NEK2: variants seen among roughly 807,000 people sequenced by gnomAD.
The protein encoded by NEK2 is serine/threonine-protein kinase Nek2.
A neutral mutation model predicts 54.1 loss-of-function variants in NEK2; 28 were observed. The observed-to-expected ratio is 0.52, with a 90% CI of 0.38 to 0.71. NEK2 has a LOEUF of 0.71. NEK2 is among the 30% of genes least tolerant of loss of function. The probability of loss-of-function intolerance (pLI) is 0.00; values close to 1 mark genes in which losing one functional copy is unlikely to be tolerated. For missense variants in NEK2, 407 were observed against 531.5 expected (o/e 0.77, Z 2.30); for synonymous variants, 176 against 193.1 (o/e 0.91, Z 0.73).
downstream of NEK2, chr1:211,660,208 AT>A: frequency 3.2e-6 from 1 of 311,392 alleles, no homozygotes. Context: ...CCGCTTGTAG[AT>A]TTTGCACGCC....
In NEK2 at chr1:211,663,464, A is replaced by G. The variant is rs753859332; in HGVS notation, c.1300T>C (p.Tyr434His). ...AQALSDIEKNYQLKSRQILGM... is the reference protein window; with the variant it reads ...AQALSDIEKNHQLKSRQILGM... ...AGGATCTGTCTGCTTTTCAGTTGGT[A>G]ATTTTTCTCAATATCTGACAGGGCT... The change falls in exon 8 of 8, where the codon TAC (tyrosine) becomes CAC (histidine). Residue 434 changes from tyrosine to histidine, a missense_variant. By Grantham distance (83) the Tyr-to-His change is moderately conservative. Coordinates refer to ENST00000366999, the MANE Select transcript of NEK2 (RefSeq NM_002497.4). The G allele has an allele frequency of 1.2e-6, 2 of 1,613,724 alleles. No individual in the cohort carries two copies. Among genetic ancestry groups the G allele is most frequent in the East Asian group, 4.5e-5 (2 of 44,884 alleles).
chr1:211,660,923 T>G, downstream of NEK2: 1 of 740,724 alleles, frequency 1.4e-6, no homozygotes, highest in Non-Finnish European at 2.5e-6. Context: ...CCCCAGTGGG[T>G]GAGGGATGAA....
At chr1:211,673,117 A>C (rs1312101571) in intron 3 of NEK2, among the ~76,000 whole-genome samples, 1 of 151,964 alleles carries the variant, frequency 6.6e-6, no homozygotes, top group African/African-American at 2.4e-5. Context: ...TTAACATTAA[A>C]AGATGTTTTG....
At chr1:211,663,920 C>T (rs1655094448) in intron 7 of NEK2, among the ~76,000 whole-genome samples, 1 of 152,180 alleles carries the variant, frequency 6.6e-6, no homozygotes, top group Admixed American at 6.5e-5. Flanking sequence ...CAATTTTACT[C>T]TTAAACACAC....
chr1:211,664,041 C>T (rs1655097283), intron 7 of NEK2, among the ~76,000 whole-genome samples: 1 of 149,004 alleles, frequency 6.7e-6, no homozygotes, highest in Admixed American at 6.7e-5. Context: ...AGTGTAGAAG[C>T]AGAGGTTTTT....
At chr1:211,660,789 G>T (rs1017828962), downstream of NEK2, 143 of 697,238 alleles carry the variant, frequency 2.1e-4, no homozygotes, top group African/African-American at 2.3e-3. Context: ...GCTCAATCAG[G>T]TTCAGGTAAT....
downstream of NEK2, chr1:211,661,176 CT>C (rs2102437020): frequency 1.4e-6 from 1 of 737,074 alleles, no homozygotes; most frequent in African/African-American, 1.7e-5. Context: ...AGTCAGCACC[CT>C]AACAATCCGG....
Position 211,675,283 on chromosome 1 carries a change from C to G in NEK2, c.96+101G>C, listed in dbSNP as rs923791253. 6.9e-6 allele frequency: 7 copies of G among 1,016,344 alleles called. No homozygotes were observed. In the African/African-American group the frequency reaches 1.1e-4, roughly 16 times the overall value. The allele number at this position is 1,016,344 out of a possible 1,614,324, so 63.0% of individuals were successfully genotyped here. ...AAGACGGTTTAGTCTTCCGGGCACC[C>G]ATTTCCTCAGCCCTGTCGGTTCCCT... On this transcript the variant is annotated intron_variant, in intron 1 of 7. Coordinates refer to ENST00000366999, the MANE Select transcript of NEK2 (RefSeq NM_002497.4).
At chr1:211,666,582 C>T (rs1655185889) in intron 7 of NEK2, 5 of 568,592 alleles carry the variant, frequency 8.8e-6, no homozygotes, top group African/African-American at 2.0e-5. Context: ...AGGCGGATCA[C>T]GAGGTCAGGA....
At chr1:211,658,680 A>G (rs1654937799), downstream of NEK2, 1 of 381,414 alleles carries the variant, frequency 2.6e-6, no homozygotes, top group Admixed American at 3.2e-5. Context: ...TGATCACACC[A>G]CTGCATTCCA....
chr1:211,663,863 G>A (rs1655093216), intron 7 of NEK2, among the ~76,000 whole-genome samples: 1 of 152,184 alleles, frequency 6.6e-6, no homozygotes, highest in African/African-American at 2.4e-5. Context: ...ATTGGAATGT[G>A]CCAAAATTCA....
At chr1:211,660,780 C>T (rs1655000677), downstream of NEK2, 1 of 693,708 alleles carries the variant, frequency 1.4e-6, no homozygotes, top group South Asian at 1.4e-5. Flanking sequence ...GCAGGAAGAG[C>T]TCAATCAGGT....
downstream of NEK2, chr1:211,660,274 A>G (rs1454682715): frequency 9.2e-6 from 4 of 435,724 alleles, no homozygotes; most frequent in Non-Finnish European, 1.4e-5. Flanking sequence ...AATGAGACCC[A>G]TAATGTGGCT....
At chr1:211,672,803 T>C (rs1046143356) in intron 3 of NEK2, among the ~76,000 whole-genome samples, 1 of 152,138 alleles carries the variant, frequency 6.6e-6, no homozygotes, top group Admixed American at 6.5e-5. Context: ...CCATTTCATT[T>C]TTGTAATCCT....
At chr1:211,674,563 A>C in intron 1 of NEK2, 50 bp from the exon 2 acceptor site, 1 of 1,348,048 alleles carries the variant, frequency 7.4e-7, no homozygotes, top group Non-Finnish European at 1.0e-6. Context: ...GCTCAAAAAC[A>C]AAGAATGAAA....
In NEK2 at chr1:211,670,300, G is replaced by T; in HGVS notation, c.746C>A (p.Thr249Lys). 1 of 1,609,498 alleles carries T rather than the reference G, an allele frequency of 6.2e-7. No homozygotes were observed. Among genetic ancestry groups the T allele is most frequent in the Non-Finnish European group, 8.5e-7 (1 of 1,178,150 alleles). Residue 249 changes from threonine to lysine, a missense_variant, in exon 5 of 8, where the codon ACG (threonine) becomes AAG (lysine). Coordinates refer to ENST00000366999, the MANE Select transcript of NEK2 (RefSeq NM_002497.4). ...RYSDELNEIITRMLNLKDYHR... is the reference protein window; with the variant it reads ...RYSDELNEIIKRMLNLKDYHR... ...CTTTACCTTTAAGTTTAACATCCTC[G>T]TAATAATTTCATTCAATTCATCAGA...
chr1:211,675,475 G>C lies in NEK2; in HGVS notation c.5C>G (p.Pro2Arg). 1 of 1,612,740 alleles carries C rather than the reference G, an allele frequency of 6.2e-7. No homozygotes were observed. Among genetic ancestry groups the C allele is most frequent in the Non-Finnish European group, 8.5e-7 (1 of 1,179,546 alleles). M[P>R]SRAEDYEVLY... is the part of the protein sequence containing the mutation. ...CACTTCATAGTCCTCAGCCCGGGAA[G>C]GCATGGCCGGCCAGTCGCCAGAGTC... The change falls in exon 1 of 8, where the codon CCT (proline) becomes CGT (arginine). Residue 2 changes from proline (P) to arginine (R), a missense_variant. Coordinates refer to ENST00000366999, the MANE Select transcript of NEK2 (RefSeq NM_002497.4).
Position 211,673,537 on chromosome 1 carries a change from G to A in NEK2, c.501C>T (p.Asn167=), listed in dbSNP as rs1655469674. ...LGDFGLARIL[N]HDTSFAKTFV... ...ATGTTTTTGCAAAACTCGTGTCATG[G>A]TTTAATATTCTAGCTAGCCCAAAGT... Residue 167 remains asparagine (N), a synonymous_variant, in exon 3 of 8, where the codon AAC becomes AAT. Coordinates refer to ENST00000366999, the MANE Select transcript of NEK2 (RefSeq NM_002497.4). The A allele has an allele frequency of 1.2e-6, 2 of 1,614,036 alleles. No homozygotes were observed. The highest frequency in any genetic ancestry group is 1.7e-6 in the Non-Finnish European group (2 of 1,179,900).
At position 211,662,809 on chromosome 1, in the gene NEK2, A is replaced by G. The variant is rs1655053294; in HGVS notation, c.*617T>C. ...GAAGAATTCTTTTATTTAGTGGGAA[A>G]GAAGTAGGTAAATGACAGACAGCTC... On this transcript the variant is annotated 3_prime_UTR_variant, in exon 8 of 8. Coordinates refer to ENST00000366999, the MANE Select transcript of NEK2 (RefSeq NM_002497.4). This position sits in a 1 kb window ranked among gnomAD's most constrained non-coding sequence, Gnocchi z 4.2. The G allele has an allele frequency of 1.0e-6, 1 of 985,464 alleles. No individual in the cohort carries two copies. The highest frequency in any genetic ancestry group is 1.2e-6 in the Non-Finnish European group (1 of 829,632). The allele number at this position is 985,464 out of a possible 1,614,324, so 61.0% of individuals were successfully genotyped here. A position where few individuals can be genotyped will look rare whatever the true frequency, so the allele number is the denominator to read the frequency against.
Sources: gnomAD v4.1 joint callset for allele counts (sites outside exome capture counted in the v4.1 genomes callset) on GRCh38, gnomAD v4.1.1 for gene constraint, Gnocchi (gnomAD v3.1) non-coding constraint, MANE v1.5 for transcripts, NCBI Gene and HGNC (gene_info 2026-07-23, HGNC 2026-07-21) for gene names.